PARD3B: variants seen among roughly 807,000 people sequenced by gnomAD.
PARD3B encodes the protein par-3 family cell polarity regulator beta.
In PARD3B, 103 loss-of-function variants were observed where a neutral mutation model predicts 130.2. The ratio of observed to expected loss-of-function variants is 0.79; its 90% CI spans 0.67 to 0.93. The LOEUF (loss-of-function observed/expected upper bound fraction) is 0.93. PARD3B is among the 40% of genes least tolerant of loss of function. The probability of loss-of-function intolerance (pLI) is 0.00; values close to 1 mark genes in which losing one functional copy is unlikely to be tolerated. For synonymous variants in PARD3B, 583 were observed against 553.2 expected (o/e 1.05, Z -0.76); for missense variants, 1,609 against 1,499.2 (o/e 1.07, Z -1.21).
chr2:205,239,943 T>G (rs957364548), intron 15 of PARD3B, among the ~76,000 whole-genome samples: 6 of 152,118 alleles, frequency 3.9e-5, no homozygotes, highest in Admixed American at 2.0e-4. Flanking sequence ...TTTGTGTGTG[T>G]GGGTGTGGGT....
At chr2:204,576,986 A>G (rs777005897) in intron 1 of PARD3B, among the ~76,000 whole-genome samples, 1 of 152,104 alleles carries the variant, frequency 6.6e-6, no homozygotes, top group Non-Finnish European at 1.5e-5. Context: ...TAATTCTACC[A>G]TGATAGTGTT....
intron 13 of PARD3B, among the ~76,000 whole-genome samples, chr2:205,178,143 TAAAAAAAAAAAAAAAAAAA>T (rs58267787): frequency 4.8e-4 from 10 of 20,772 alleles, no homozygotes; most frequent in African/African-American, 1.8e-3. Context: ...CCATCTGTAC[TAAAAAAAAAAAAAAAAAAA>T]AAAAAAAAAA....
At chr2:204,652,568 G>T (rs563828099) in intron 1 of PARD3B, among the ~76,000 whole-genome samples, 1 of 152,292 alleles carries the variant, frequency 6.6e-6, no homozygotes, top group South Asian at 2.1e-4. Context: ...ACATCTTCCT[G>T]TCTCTTTCTG....
intron 18 of PARD3B, among the ~76,000 whole-genome samples, chr2:205,376,247 G>C (rs541697726): frequency 6.6e-6 from 1 of 152,280 alleles, no homozygotes; most frequent in East Asian, 1.9e-4. Flanking sequence ...AACAGCTGGG[G>C]ATCAAAGCAG....
At chr2:204,952,469 A>T (rs1450987935) in intron 2 of PARD3B, among the ~76,000 whole-genome samples, 1 of 152,200 alleles carries the variant, frequency 6.6e-6, no homozygotes, top group African/African-American at 2.4e-5. Flanking sequence ...TTGAAGATTT[A>T]ATAGGGGTTT....
chr2:205,118,961 A>G lies in PARD3B; in HGVS notation c.721A>G (p.Arg241Gly), dbSNP rs1487813211. 3 of 1,611,748 alleles carry G rather than the reference A, an allele frequency of 1.9e-6. No individual in the cohort carries two copies. Among genetic ancestry groups the G allele is most frequent in the African/African-American group, 1.3e-5 (1 of 74,898 alleles). Residue 241 changes from arginine (R) to glycine (G), a missense_variant, in exon 7 of 23, where the codon AGG (arginine) becomes GGG (glycine). Transcript: ENST00000406610. ...LFIRGIEDNSRSKREGLFHEN... is the reference protein window; with the variant it reads ...LFIRGIEDNSGSKREGLFHEN... The stretch of plus-strand genomic sequence containing the variant: ...CATCCGAGGCATTGAAGACAACAGC[A>G]GGTCCAAGCGGGAGGGACTATTTCA...
intron 11 of PARD3B, among the ~76,000 whole-genome samples, chr2:205,171,045 T>C (rs1161190068): frequency 6.6e-6 from 1 of 152,200 alleles, no homozygotes. Context: ...GTAAAATGTT[T>C]CTGAAAATAT....
chr2:204,789,772 GTTA>G (rs1280207004), intron 2 of PARD3B, among the ~76,000 whole-genome samples: 1 of 151,790 alleles, frequency 6.6e-6, no homozygotes, highest in Admixed American at 6.6e-5. Flanking sequence ...CATTACACAT[GTTA>G]TTTCATTAAC....
At position 204,890,313 on chromosome 2, in the gene PARD3B, C is replaced by T. The variant is rs539767883; in HGVS notation, c.223-74839C>T. ...AATGAATAAATAGAAGATGACAAGG[C>T]ATGGAACAGCATAATGGTCTTGGGA... On this transcript the variant is annotated intron_variant, in intron 2 of 22. Transcript: ENST00000406610. This position sits in a 1 kb window ranked among gnomAD's most constrained non-coding sequence, Gnocchi z 4.9. 2.6e-5 allele frequency among the ~76,000 whole-genome samples: 4 copies of T among 152,252 alleles called. No homozygotes were observed. In the South Asian group the frequency reaches 8.3e-4, roughly 32 times the overall value.
chr2:205,463,438 T>TAA lies in PARD3B; in HGVS notation c.3044+22786_3044+22787dup, dbSNP rs35556760. ...AACATTTCACTGCACATTAATTCTT[T>TAA]AAAAAAAAAAAAAAAAAAAAACCTG... On this transcript the variant is annotated intron_variant, in intron 20 of 22. Coordinates refer to ENST00000406610, the MANE Select transcript of PARD3B (RefSeq NM_001302769.2). This position sits in a 1 kb window ranked among gnomAD's most constrained non-coding sequence, Gnocchi z 4.8. Among the ~76,000 whole-genome samples, 40 of 121,546 alleles carry TAA rather than the reference T, an allele frequency of 3.3e-4. No individual in the cohort carries two copies. In the East Asian group the frequency reaches 5.3e-3, roughly 16 times the overall value. The allele number at this position is 121,546 out of a possible 152,430, so 79.7% of individuals were successfully genotyped here.
chr2:205,383,045 T>C (rs1166978695), intron 18 of PARD3B, among the ~76,000 whole-genome samples: 2 of 150,998 alleles, frequency 1.3e-5, no homozygotes, highest in African/African-American at 4.9e-5. Flanking sequence ...GTATCATTGT[T>C]TCTAGACTCT....
intron 3 of PARD3B, among the ~76,000 whole-genome samples, chr2:205,022,671 C>T (rs1405029536): frequency 2.0e-5 from 3 of 152,120 alleles, no homozygotes; most frequent in Non-Finnish European, 4.4e-5. Flanking sequence ...GTTTTGCCTG[C>T]AGCTGATCTC....
intron 18 of PARD3B, among the ~76,000 whole-genome samples, chr2:205,331,798 A>AAAAAAAAAAAAAAAAAAAAAAAC (rs2043143395): frequency 6.7e-6 from 1 of 149,346 alleles, no homozygotes; most frequent in African/African-American, 2.5e-5. Context: ...AAAAAAAAAA[A>AAAAAAAAAAAAAAAAAAAAAAAC]AAAAAAAGAA....
chr2:205,188,822 G>A (rs1326805120), intron 14 of PARD3B, among the ~76,000 whole-genome samples: 1 of 149,148 alleles, frequency 6.7e-6, no homozygotes, highest in Admixed American at 6.7e-5. Flanking sequence ...CCTCTCAAAG[G>A]AAAAAAGGGT....
chr2:204,796,498 A>G (rs1230229677), intron 2 of PARD3B, among the ~76,000 whole-genome samples: 2 of 152,228 alleles, frequency 1.3e-5, no homozygotes, highest in Non-Finnish European at 2.9e-5. Flanking sequence ...TAACAAGCTC[A>G]GTGGCCACTT....
chr2:205,331,782 CAAAAAAAAAAA>C (rs56654511), intron 18 of PARD3B, among the ~76,000 whole-genome samples: 2 of 48,392 alleles, frequency 4.1e-5, no homozygotes, highest in Admixed American at 3.8e-4. Context: ...GACTCCGTCT[CAAAAAAAAAAA>C]AAAAAAAAAA....
At chr2:204,899,141 G>C (rs190352254) in intron 2 of PARD3B, among the ~76,000 whole-genome samples, 11 of 150,968 alleles carry the variant, frequency 7.3e-5, no homozygotes, top group Non-Finnish European at 1.6e-4. Flanking sequence ...ACTTAATCTT[G>C]CCATTTTGTT....
At chr2:205,517,391 G>A (rs1231846992) in intron 21 of PARD3B, among the ~76,000 whole-genome samples, 2 of 151,910 alleles carry the variant, frequency 1.3e-5, no homozygotes, top group Non-Finnish European at 2.9e-5. Context: ...AGCTTCTGAT[G>A]GTTATTTTTA....
intron 21 of PARD3B, among the ~76,000 whole-genome samples, chr2:205,546,688 C>T (rs2052394707): frequency 6.6e-6 from 1 of 152,104 alleles, no homozygotes; most frequent in Admixed American, 6.6e-5. Flanking sequence ...CTTTAGCAAC[C>T]CTCTATCTGC....
Sources: allele counts gnomAD v4.1 joint callset (sites outside exome capture counted in the v4.1 genomes callset), GRCh38; gene constraint gnomAD v4.1.1; non-coding constraint Gnocchi (gnomAD v3.1); transcripts MANE v1.5; gene names NCBI Gene and HGNC (gene_info 2026-07-23, HGNC 2026-07-21).